Variants in ZGRF1 observed in about 807,000 individuals in gnomAD.
The protein encoded by ZGRF1 is zinc finger GRF-type containing 1.
ZGRF1 carries 196 observed loss-of-function variants against 203.5 expected under a neutral mutation model. The ratio of observed to expected loss-of-function variants is 0.96; its 90% CI spans 0.86 to 1.08. ZGRF1 has a LOEUF of 1.08. ZGRF1 is among the 50% of genes least tolerant of loss of function. The probability of loss-of-function intolerance (pLI) is 0.00; values close to 1 mark genes in which losing one functional copy is unlikely to be tolerated. For missense variants in ZGRF1, 2,326 were observed against 2,416.3 expected (o/e 0.96, Z 0.78); for synonymous variants, 809 against 841.3 (o/e 0.96, Z 0.66).
intron 6 of ZGRF1, among the ~76,000 whole-genome samples, chr4:112,615,863 G>A (rs886750599): frequency 2.0e-4 from 30 of 151,150 alleles, no homozygotes; most frequent in Non-Finnish European, 3.2e-4. Flanking sequence ...TCGAACTCCC[G>A]ACCTCAGGTG....
chr4:112,576,466 G>A (rs576318999), intron 16 of ZGRF1, among the ~76,000 whole-genome samples: 21 of 152,126 alleles, frequency 1.4e-4, no homozygotes, highest in African/African-American at 4.1e-4. Flanking sequence ...GGCTCCAGAC[G>A]ATCAAACTAC....
intron 10 of ZGRF1, among the ~76,000 whole-genome samples, chr4:112,595,166 A>C (rs1457972017): frequency 6.6e-6 from 1 of 152,144 alleles, no homozygotes; most frequent in African/African-American, 2.4e-5. Context: ...TGACATTTTT[A>C]CATCTCTATA....
chr4:112,554,356 C>CA (rs1740558897), intron 21 of ZGRF1, among the ~76,000 whole-genome samples: 1 of 151,924 alleles, frequency 6.6e-6, no homozygotes, highest in South Asian at 2.1e-4. Flanking sequence ...GGTATATACC[C>CA]AAAGGATTAT....
At chr4:112,625,163 T>A (rs2047191577) in intron 3 of ZGRF1, among the ~76,000 whole-genome samples, 1 of 152,196 alleles carries the variant, frequency 6.6e-6, no homozygotes, top group Non-Finnish European at 1.5e-5. Context: ...GGTGCAAGCC[T>A]AAGTAGTCCC....
intron 10 of ZGRF1, among the ~76,000 whole-genome samples, chr4:112,599,222 T>C (rs1329935020): frequency 3.9e-5 from 6 of 152,030 alleles, no homozygotes; most frequent in Non-Finnish European, 7.4e-5. Context: ...TTGCAGCAGA[T>C]TGAAATAGAG....
Position 112,562,477 on chromosome 4 carries a change from G to A in ZGRF1, c.4591C>T (p.His1531Tyr). The A allele has an allele frequency of 6.3e-7, 1 of 1,587,812 alleles. No individual in the cohort carries two copies. Among genetic ancestry groups the A allele is most frequent in the Non-Finnish European group, 8.6e-7 (1 of 1,159,452 alleles). Residue 1531 changes from histidine (H) to tyrosine (Y), a missense_variant, in exon 18 of 28, where the codon CAT becomes TAT. Transcript: ENST00000505019. ...PSNWPTNMVV[H>Y]ALLVCNASTE... ...CTAGCATTACAAACCAATAACGCAT[G>A]GACAACCACTGTACAGAGGATGCAG...
At chr4:112,624,231 A>G (rs908643267) in intron 3 of ZGRF1, among the ~76,000 whole-genome samples, 2 of 152,040 alleles carry the variant, frequency 1.3e-5, no homozygotes, top group African/African-American at 4.8e-5. Context: ...GAAACTGGGA[A>G]GAGGCTGGGC....
At chr4:112,552,602 AAG>A (rs1410373541) in intron 22 of ZGRF1, among the ~76,000 whole-genome samples, 4 of 152,222 alleles carry the variant, frequency 2.6e-5, no homozygotes, top group Non-Finnish European at 5.9e-5. Context: ...TTTGGTTAAG[AAG>A]AGAGTATAGA....
intron 10 of ZGRF1, among the ~76,000 whole-genome samples, chr4:112,601,418 C>A (rs183696254): frequency 6.6e-6 from 1 of 151,822 alleles, no homozygotes; most frequent in Non-Finnish European, 1.5e-5. Context: ...ACTAAAAATA[C>A]AAGAAATTAG....
At chr4:112,565,702 T>A (rs1011485599) in intron 16 of ZGRF1, among the ~76,000 whole-genome samples, 3 of 152,142 alleles carry the variant, frequency 2.0e-5, no homozygotes, top group African/African-American at 7.2e-5. Flanking sequence ...GAACAGATGC[T>A]TCTCAAAAGA....
At chr4:112,634,731 A>T (rs2047525540) in intron 1 of ZGRF1, among the ~76,000 whole-genome samples, 1 of 152,174 alleles carries the variant, frequency 6.6e-6, no homozygotes, top group Non-Finnish European at 1.5e-5. Context: ...AATCAAGGTG[A>T]TCTGGAGAAA....
At position 112,539,665 on chromosome 4, in the gene ZGRF1, G is replaced by T. The variant is rs1315430307; in HGVS notation, c.6197C>A (p.Ala2066Glu). 6.2e-7 allele frequency: 1 copy of T among 1,601,576 alleles called. No individual in the cohort carries two copies. Residue 2066 changes from alanine to glutamate, a missense_variant, in exon 28 of 28, where the codon GCA becomes GAA. Ala to Glu is a moderately radical substitution (Grantham distance 107, BLOSUM62 -1). Coordinates refer to ENST00000505019, the MANE Select transcript of ZGRF1 (RefSeq NM_018392.5). ...CEGREDGLQH[A>E]NQYEPQLNHL... is the part of the protein sequence containing the mutation. ...GTTCAGCTGTGGTTCATACTGGTTTGCATGTTGCAATCCATCTTCCCTTCC... is the reference window on the plus strand; with the variant it reads ...GTTCAGCTGTGGTTCATACTGGTTTTCATGTTGCAATCCATCTTCCCTTCC...
chr4:112,571,113 A>AG, intron 16 of ZGRF1, among the ~76,000 whole-genome samples: 1 of 152,098 alleles, frequency 6.6e-6, no homozygotes. Context: ...AAAAAAAAAA[A>AG]AAAAGAGTGG....
At chr4:112,544,640 G>A (rs149575892) in intron 24 of ZGRF1, among the ~76,000 whole-genome samples, 4 of 152,270 alleles carry the variant, frequency 2.6e-5, no homozygotes, top group Non-Finnish European at 4.4e-5. Context: ...ATCTGAGAGA[G>A]TATCTGACAT....
Position 112,617,648 on chromosome 4 carries a change from A to G in ZGRF1, c.2394T>C (p.His798=). Reference sequence around the variant, plus strand: ...CTTCTCTGGCAGTTTCAACCTCAACATGGTCAGGGGGTGGACTTCTAATCT... The same window carrying G: ...CTTCTCTGGCAGTTTCAACCTCAACGTGGTCAGGGGGTGGACTTCTAATCT... ...LGKIRSPPPD[H]VEVETAREGK... Residue 798 remains histidine (H), a synonymous_variant, in exon 6 of 28, where the codon CAT becomes CAC. Transcript: ENST00000505019. 2 of 1,613,762 alleles carry G rather than the reference A, an allele frequency of 1.2e-6. No individual in the cohort carries two copies. The highest frequency in any genetic ancestry group is 2.2e-5 in the East Asian group (1 of 44,868).
At chr4:112,601,752 A>C (rs947215762) in intron 10 of ZGRF1, among the ~76,000 whole-genome samples, 1 of 152,134 alleles carries the variant, frequency 6.6e-6, no homozygotes, top group South Asian at 2.1e-4. Flanking sequence ...AACAACAAAA[A>C]AAGAAAAATT....
intron 10 of ZGRF1, among the ~76,000 whole-genome samples, chr4:112,601,281 G>A (rs1749929000): frequency 6.6e-6 from 1 of 152,072 alleles, no homozygotes. Context: ...CGGGAGTAGT[G>A]GCTCATGCCT....
In ZGRF1 at chr4:112,553,849, T is replaced by C; in HGVS notation, c.5332A>G (p.Thr1778Ala). The C allele has an allele frequency of 6.2e-7, 1 of 1,610,758 alleles. No homozygotes were observed. Among genetic ancestry groups the C allele is most frequent in the East Asian group, 2.2e-5 (1 of 44,822 alleles). The change falls in exon 22 of 28, where the codon ACC becomes GCC. Residue 1778 changes from threonine to alanine, a missense_variant. Transcript: ENST00000505019. The stretch of plus-strand genomic sequence containing the variant: ...CTACTTCTTACCTGCTTCAGCAGGG[T>C]TCTATTGGTCCCCAGTTTATGCTGC... The part of the protein sequence containing the change: ...IEQHKLGTNR[T>A]LLKQVRVVGV...
intron 3 of ZGRF1, among the ~76,000 whole-genome samples, chr4:112,627,549 T>A (rs2047278735): frequency 6.6e-6 from 1 of 152,154 alleles, no homozygotes; most frequent in Admixed American, 6.6e-5. Context: ...GAGACCAACC[T>A]GGCCAACATG....
Sources: gnomAD v4.1 joint callset for allele counts (sites outside exome capture counted in the v4.1 genomes callset) on GRCh38, gnomAD v4.1.1 for gene constraint, MANE v1.5 for transcripts, NCBI Gene and HGNC (gene_info 2026-07-23, HGNC 2026-07-21) for gene names.